NTM: variants seen among roughly 807,000 people sequenced by gnomAD.
The protein encoded by NTM is neurotrimin.
NTM carries 13 observed loss-of-function variants against 42.1 expected under a neutral mutation model. The observed-to-expected ratio is 0.31, with a 90% CI of 0.20 to 0.49. The LOEUF is 0.49. Among genes scored for constraint, NTM ranks in the 20% least tolerant of loss-of-function variants. The pLI is 0.99. For synonymous variants in NTM, 187 were observed against 179.2 expected (o/e 1.04, Z -0.35); for missense variants, 373 against 452.8 (o/e 0.82, Z 1.60).
intron 2 of NTM, among the ~76,000 whole-genome samples, chr11:131,913,997 C>T (rs2055795960): frequency 6.6e-6 from 1 of 152,148 alleles, no homozygotes; most frequent in African/African-American, 2.4e-5. Flanking sequence ...TCAGGATTGC[C>T]CTCCTTCTCA....
chr11:132,178,808 AAG>A, intron 3 of NTM, among the ~76,000 whole-genome samples: 1 of 151,882 alleles, frequency 6.6e-6, no homozygotes, highest in South Asian at 2.1e-4. Flanking sequence ...TAGGTTATGT[AAG>A]AGAGGAAGTA....
At chr11:132,223,685 G>A (rs1566514535) in intron 4 of NTM, among the ~76,000 whole-genome samples, 1 of 152,264 alleles carries the variant, frequency 6.6e-6, no homozygotes, top group East Asian at 1.9e-4. Flanking sequence ...ATACATATTT[G>A]TTTAAAAAAT....
rs141786039 is a variant in NTM, at chr11:132,152,407, G to A, written c.400+5893G>A. Among the ~76,000 whole-genome samples the A allele has an allele frequency of 4.6e-5, 7 of 152,274 alleles. No homozygotes were observed. In the East Asian group the frequency reaches 9.7e-4, roughly 21 times the overall value. Reference sequence around the variant, plus strand: ...TAGCCCTGTGTGACAGATAGTGGGGGCATACTGATCATCCCAAACTGCTTT... The same window carrying A: ...TAGCCCTGTGTGACAGATAGTGGGGACATACTGATCATCCCAAACTGCTTT... On this transcript the variant is annotated intron_variant, in intron 3 of 8. Transcript: ENST00000683400.
At chr11:131,550,567 G>A (rs148319483) in intron 1 of NTM, among the ~76,000 whole-genome samples, 95 of 152,054 alleles carry the variant, frequency 6.2e-4, no homozygotes, top group Non-Finnish European at 9.7e-4. Flanking sequence ...CTTCCCCTTC[G>A]CCTTCTGCCA....
At chr11:131,778,968 T>A (rs2087560584) in intron 1 of NTM, among the ~76,000 whole-genome samples, 1 of 152,218 alleles carries the variant, frequency 6.6e-6, no homozygotes, top group Admixed American at 6.5e-5. Flanking sequence ...TTATATAAGT[T>A]TTCATCATAG....
intron 1 of NTM, among the ~76,000 whole-genome samples, chr11:131,522,532 C>T (rs1407892362): frequency 2.6e-5 from 4 of 152,148 alleles, no homozygotes; most frequent in Admixed American, 6.5e-5. Context: ...AAAACAGAGA[C>T]ATCTACCTTG....
intron 4 of NTM, among the ~76,000 whole-genome samples, chr11:132,248,265 C>T (rs1474792578): frequency 6.6e-6 from 1 of 152,156 alleles, no homozygotes; most frequent in Non-Finnish European, 1.5e-5. Context: ...TTTTTCTGAT[C>T]CCCTGAACTT....
At chr11:131,903,415 T>C (rs1443633126) in intron 1 of NTM, among the ~76,000 whole-genome samples, 3 of 152,250 alleles carry the variant, frequency 2.0e-5, no homozygotes, top group African/African-American at 7.2e-5. Flanking sequence ...AGCGTATTTA[T>C]TGAAGATTAA....
intron 1 of NTM, among the ~76,000 whole-genome samples, chr11:131,445,744 C>A (rs1257191880): frequency 6.6e-6 from 1 of 152,178 alleles, no homozygotes; most frequent in African/African-American, 2.4e-5. Flanking sequence ...ACCATCCAAC[C>A]ACCTTTGCTT....
At chr11:131,427,746 C>T (rs992583728) in intron 1 of NTM, among the ~76,000 whole-genome samples, 11 of 152,180 alleles carry the variant, frequency 7.2e-5, no homozygotes, top group African/African-American at 2.7e-4. Context: ...ATGACCTTAC[C>T]ATTGACTCAT....
chr11:131,679,324 G>A (rs2071999722), intron 1 of NTM, among the ~76,000 whole-genome samples: 2 of 152,266 alleles, frequency 1.3e-5, no homozygotes, highest in East Asian at 3.9e-4. Context: ...AAAGAAGTAG[G>A]GAGGGGGTGC....
intron 1 of NTM, among the ~76,000 whole-genome samples, chr11:131,878,791 G>A (rs982400680): frequency 6.6e-6 from 1 of 151,314 alleles, no homozygotes; most frequent in Non-Finnish European, 1.5e-5. Flanking sequence ...CTTTCTCAGT[G>A]CTGGCTGATG....
At chr11:131,461,152 G>A (rs1431881134) in intron 1 of NTM, among the ~76,000 whole-genome samples, 1 of 152,216 alleles carries the variant, frequency 6.6e-6, no homozygotes, top group Non-Finnish European at 1.5e-5. Flanking sequence ...GATTGCCTGT[G>A]AACCAGAATC....
intron 2 of NTM, among the ~76,000 whole-genome samples, chr11:131,983,726 T>C (rs568835644): frequency 6.6e-6 from 1 of 152,326 alleles, no homozygotes; most frequent in South Asian, 2.1e-4. Context: ...GTTGACTCAA[T>C]ATAAATTTAT....
At chr11:131,783,606 C>A (rs1242881019) in intron 1 of NTM, among the ~76,000 whole-genome samples, 1 of 152,004 alleles carries the variant, frequency 6.6e-6, no homozygotes, top group African/African-American at 2.4e-5. Context: ...GAATAAACAT[C>A]CATTCTTACC....
At chr11:131,724,175 C>T (rs571591334) in intron 1 of NTM, among the ~76,000 whole-genome samples, 1 of 152,260 alleles carries the variant, frequency 6.6e-6, no homozygotes, top group African/African-American at 2.4e-5. Context: ...GTTCTCCTGT[C>T]CAGATGCTGA....
intron 2 of NTM, among the ~76,000 whole-genome samples, chr11:132,115,189 T>C (rs1269257471): frequency 6.6e-6 from 1 of 152,148 alleles, no homozygotes; most frequent in African/African-American, 2.4e-5. Flanking sequence ...GGGTACAAAG[T>C]TTCAGTTACG....
At chr11:131,398,238 C>A (rs1242598887) in intron 1 of NTM, among the ~76,000 whole-genome samples, 1 of 152,034 alleles carries the variant, frequency 6.6e-6, no homozygotes, top group Non-Finnish European at 1.5e-5. Context: ...ATTTTAGAAC[C>A]GAAAGGGCTT....
At chr11:132,134,015 T>C (rs563291431) in intron 2 of NTM, among the ~76,000 whole-genome samples, 2 of 152,326 alleles carry the variant, frequency 1.3e-5, no homozygotes, top group South Asian at 2.1e-4. Context: ...TCTTTGTTTG[T>C]TTAATTAATT....
Sources: allele counts gnomAD v4.1 joint callset (sites outside exome capture counted in the v4.1 genomes callset), GRCh38; gene constraint gnomAD v4.1.1; transcripts MANE v1.5; gene names NCBI Gene and HGNC (gene_info 2026-07-23, HGNC 2026-07-21).